The following MECOM variants were observed in gnomAD, a reference collection of about 807,000 sequenced individuals.
MECOM encodes the protein MDS1 and EVI1 complex locus.
A neutral mutation model predicts 116.3 loss-of-function variants in MECOM; 13 were observed. That is an observed-to-expected ratio of 0.11 (90% CI 0.07 to 0.18). MECOM has a LOEUF of 0.18. Among genes scored for constraint, MECOM ranks in the 10% least tolerant of loss-of-function variants. MECOM has a pLI of 1.00. For missense variants in MECOM, 1,299 were observed against 1,509.0 expected (o/e 0.86, Z 2.31); for synonymous variants, 528 against 535.2 (o/e 0.99, Z 0.19).
At chr3:169,329,927 T>C (rs970034439) in intron 2 of MECOM, among the ~76,000 whole-genome samples, 4 of 152,252 alleles carry the variant, frequency 2.6e-5, no homozygotes, top group Non-Finnish European at 4.4e-5. Context: ...GCAAGGGCCA[T>C]GATAGAAGTA....
chr3:169,170,495 A>G (rs1274771392), intron 2 of MECOM, among the ~76,000 whole-genome samples: 2 of 152,004 alleles, frequency 1.3e-5, no homozygotes, highest in Non-Finnish European at 2.9e-5. Context: ...AATGTACTTA[A>G]TTGTAGCAAG....
chr3:169,567,476 A>G (rs1763375569), intron 1 of MECOM, among the ~76,000 whole-genome samples: 1 of 152,198 alleles, frequency 6.6e-6, no homozygotes, highest in African/African-American at 2.4e-5. Flanking sequence ...CCACTAATAT[A>G]TTTATATTTG....
intron 1 of MECOM, among the ~76,000 whole-genome samples, chr3:169,544,080 G>T (rs1185178088): frequency 6.6e-6 from 1 of 152,122 alleles, no homozygotes; most frequent in African/African-American, 2.4e-5. Context: ...GAGAGACGGG[G>T]TTTCACCATG....
chr3:169,550,436 G>A (rs1475572757), intron 1 of MECOM, among the ~76,000 whole-genome samples: 1 of 152,220 alleles, frequency 6.6e-6, no homozygotes, highest in Non-Finnish European at 1.5e-5. Context: ...CAGTGAAGAA[G>A]TGAAAACAGT....
At chr3:169,384,438 A>G (rs1031505821) in intron 1 of MECOM, among the ~76,000 whole-genome samples, 1 of 152,204 alleles carries the variant, frequency 6.6e-6, no homozygotes, top group Non-Finnish European at 1.5e-5. Flanking sequence ...ATCTAATTTT[A>G]TCGTTCAGGG....
At chr3:169,414,143 G>T (rs1217086162) in intron 1 of MECOM, among the ~76,000 whole-genome samples, 1 of 152,280 alleles carries the variant, frequency 6.6e-6, no homozygotes, top group South Asian at 2.1e-4. Flanking sequence ...GACAGCTCCG[G>T]CTGGTATATG....
chr3:169,107,302 A>T (rs1301558118), intron 10 of MECOM, among the ~76,000 whole-genome samples: 2 of 152,162 alleles, frequency 1.3e-5, no homozygotes, highest in East Asian at 3.8e-4. Context: ...AATATCTTCC[A>T]CAATAAAAAT....
intron 2 of MECOM, among the ~76,000 whole-genome samples, chr3:169,376,014 G>T (rs150712088): frequency 7.2e-5 from 11 of 152,114 alleles, no homozygotes; most frequent in Non-Finnish European, 8.8e-5. Context: ...GGGATGCAAG[G>T]CTGGATCAAC....
intron 2 of MECOM, among the ~76,000 whole-genome samples, chr3:169,154,244 C>T (rs2149332560): frequency 6.6e-6 from 1 of 152,180 alleles, no homozygotes; most frequent in South Asian, 2.1e-4. Flanking sequence ...ACACACACAT[C>T]TTGGACTAGT....
intron 2 of MECOM, among the ~76,000 whole-genome samples, chr3:169,258,582 C>A (rs1757157367): frequency 6.6e-6 from 1 of 152,192 alleles, no homozygotes; most frequent in South Asian, 2.1e-4. Flanking sequence ...CTTTCTCTGA[C>A]CTCTGTGCTT....
intron 1 of MECOM, among the ~76,000 whole-genome samples, chr3:169,427,598 C>T (rs1430693583): frequency 1.3e-5 from 2 of 152,318 alleles, no homozygotes; most frequent in African/African-American, 4.8e-5. Flanking sequence ...TAATGGAAAT[C>T]TCCACTCAGA....
chr3:169,484,293 G>A (rs200338712), intron 1 of MECOM, among the ~76,000 whole-genome samples: 1 of 147,876 alleles, frequency 6.8e-6, no homozygotes, highest in Non-Finnish European at 1.5e-5. Flanking sequence ...AAAAAAGAAA[G>A]AAAGAGGAGA....
intron 1 of MECOM, among the ~76,000 whole-genome samples, chr3:169,529,012 TAGG>T (rs1758276754): frequency 1.3e-5 from 2 of 152,314 alleles, no homozygotes; most frequent in African/African-American, 4.8e-5. Flanking sequence ...TGAATTGCTG[TAGG>T]AGAATTTATA....
At chr3:169,437,434 AG>A (rs1218023158) in intron 1 of MECOM, among the ~76,000 whole-genome samples, 1 of 152,230 alleles carries the variant, frequency 6.6e-6, no homozygotes, top group Non-Finnish European at 1.5e-5. Context: ...AGTCATAAGA[AG>A]AGAAAAGTTT....
At chr3:169,461,616 TA>T (rs1317621423) in intron 1 of MECOM, among the ~76,000 whole-genome samples, 2 of 152,128 alleles carry the variant, frequency 1.3e-5, no homozygotes, top group African/African-American at 4.8e-5. Context: ...CACACAGGTC[TA>T]AAAAAACAAC....
intron 2 of MECOM, among the ~76,000 whole-genome samples, chr3:169,231,731 A>C (rs980281005): frequency 1.3e-5 from 2 of 152,040 alleles, no homozygotes; most frequent in African/African-American, 4.8e-5. Context: ...AGTGAGGGGA[A>C]TATCAGGAGG....
At chr3:169,156,943 C>A (rs1380178277) in intron 2 of MECOM, among the ~76,000 whole-genome samples, 1 of 152,062 alleles carries the variant, frequency 6.6e-6, no homozygotes, top group Non-Finnish European at 1.5e-5. Flanking sequence ...GACTGTCTAA[C>A]CACGAAACTA....
chr3:169,209,439 T>C (rs907366046), intron 2 of MECOM, among the ~76,000 whole-genome samples: 1 of 151,508 alleles, frequency 6.6e-6, no homozygotes, highest in Non-Finnish European at 1.5e-5. Flanking sequence ...TGGGAGAAAA[T>C]TTTTGCAATC....
At chr3:169,296,167 GTAGTGGCCC>G (rs1413511298) in intron 2 of MECOM, among the ~76,000 whole-genome samples, 1 of 152,182 alleles carries the variant, frequency 6.6e-6, no homozygotes, top group African/African-American at 2.4e-5. Flanking sequence ...CCAGCAGTCT[GTAGTGGCCC>G]TTGCTTTCCC....
Sources: allele counts gnomAD v4.1 joint callset (sites outside exome capture counted in the v4.1 genomes callset), GRCh38; gene constraint gnomAD v4.1.1; transcripts MANE v1.5; gene names NCBI Gene and HGNC (gene_info 2026-07-23, HGNC 2026-07-21).